Variants in CD99L2 observed in about 807,000 individuals in gnomAD.
CD99L2 encodes the protein CD99 antigen-like protein 2.
Under a neutral mutation model 27.3 loss-of-function variants are expected in CD99L2, and 24 were observed. The ratio of observed to expected loss-of-function variants is 0.88; its 90% CI spans 0.64 to 1.24. CD99L2 has a LOEUF of 1.24. Ranked by LOEUF, CD99L2 falls within the 50% of genes most tolerant of loss-of-function variation. The pLI is 0.00. For missense variants in CD99L2, 255 were observed against 221.6 expected (o/e 1.15, Z -0.96); for synonymous variants, 97 against 87.9 (o/e 1.10, Z -0.58).
chrX:150,816,331 G>A (rs2046154930), intron 2 of CD99L2: 2 of 367,594 alleles, frequency 5.4e-6, no homozygotes, highest in South Asian at 8.2e-5. Flanking sequence ...CATGTGACCT[G>A]GTGATTAGTG....
At chrX:150,822,316 A>G (rs1233527209) in intron 2 of CD99L2, among the ~76,000 whole-genome samples, 1 of 112,367 alleles carries the variant, frequency 8.9e-6, no homozygotes, top group African/African-American at 3.2e-5. Context: ...TATCCAGGAT[A>G]AATTCACAGA....
intron 2 of CD99L2, among the ~76,000 whole-genome samples, chrX:150,819,559 T>C (rs148617275): frequency 0.027 from 2,937 of 109,263 alleles, 46 homozygotes; most frequent in African/African-American, 0.061. Flanking sequence ...AAGAGAAAAA[T>C]AAAGAACAAA....
chrX:150,791,315 A>G (rs1192823051), intron 7 of CD99L2, among the ~76,000 whole-genome samples: 4 of 111,771 alleles, frequency 3.6e-5, no homozygotes, highest in Non-Finnish European at 7.5e-5. Context: ...AGCAATGAAT[A>G]CTCAGATCTT....
intron 1 of CD99L2, among the ~76,000 whole-genome samples, chrX:150,881,434 T>A (rs2047323756): frequency 8.9e-6 from 1 of 112,066 alleles, no homozygotes; most frequent in Non-Finnish European, 1.9e-5. Context: ...CCTGTCACAA[T>A]GCTCTGCCCC....
chrX:150,857,108 A>C (rs2124308126), intron 1 of CD99L2, among the ~76,000 whole-genome samples: 1 of 112,110 alleles, frequency 8.9e-6, no homozygotes, highest in South Asian at 3.7e-4. Flanking sequence ...CAAAGCCTTC[A>C]TAATATATGG....
chrX:150,814,879 G>C lies in CD99L2; in HGVS notation c.260C>G (p.Pro87Arg), dbSNP rs781889438. 14 of 1,207,885 alleles carry C rather than the reference G, an allele frequency of 1.2e-5. No individual in the cohort carries two copies. The highest frequency in any genetic ancestry group is 1.6e-5 in the Non-Finnish European group (14 of 893,700). The change falls in exon 4 of 11, where the codon CCG (proline) becomes CGG (arginine). Residue 87 changes from proline (P) to arginine (R), a missense_variant. Transcript: ENST00000370377. Reference sequence around the variant, plus strand: ...AGACTTACCTCTTCCTCCTATACCCGGTTTCCTGCGGCCATCATCTTGATC... The same window carrying C: ...AGACTTACCTCTTCCTCCTATACCCCGTTTCCTGCGGCCATCATCTTGATC... ...LDDQDDGRRK[P>R]GIGGRERWNH...
chrX:150,889,475 A>AAC (rs1160497239), intron 1 of CD99L2, among the ~76,000 whole-genome samples: 2 of 112,367 alleles, frequency 1.8e-5, no homozygotes, highest in African/African-American at 6.5e-5. Flanking sequence ...AATAAAAAAA[A>AAC]AAAAACAAAA....
intron 1 of CD99L2, among the ~76,000 whole-genome samples, chrX:150,851,427 TGAG>T (rs1557421599): frequency 2.1e-3 from 239 of 112,319 alleles, no homozygotes; most frequent in African/African-American, 7.4e-3. Flanking sequence ...AATGAGGAGC[TGAG>T]GCTCAGATAG....
intron 4 of CD99L2, among the ~76,000 whole-genome samples, chrX:150,808,209 CT>C (rs1319524881): frequency 4.4e-5 from 5 of 112,819 alleles, no homozygotes; most frequent in African/African-American, 1.6e-4. Flanking sequence ...GAAAACATCA[CT>C]GACCTGAATG....
intron 1 of CD99L2, among the ~76,000 whole-genome samples, chrX:150,860,951 C>T (rs1429972497): frequency 9.2e-6 from 1 of 109,128 alleles, no homozygotes; most frequent in Non-Finnish European, 1.9e-5. Flanking sequence ...ACCATCCTGG[C>T]CAACACGGTG....
chrX:150,823,107 G>A (rs2046265261), intron 2 of CD99L2, among the ~76,000 whole-genome samples: 1 of 111,865 alleles, frequency 8.9e-6, no homozygotes, highest in Non-Finnish European at 1.9e-5. Flanking sequence ...AGTTTCCTGA[G>A]GCCTCCACAG....
At position 150,895,161 on chromosome X, in the gene CD99L2, A is replaced by G. The variant is rs142311975; in HGVS notation, c.67+3361T>C. Among the ~76,000 whole-genome samples the G allele has an allele frequency of 3.0e-3, 331 of 111,404 alleles. 2 individuals are homozygous for G. The highest frequency in any genetic ancestry group is 0.01 in the African/African-American group (308 of 30,598). On this transcript the variant is annotated intron_variant, in intron 1 of 10. Transcript: ENST00000370377. ...GTCACAGTGCCAACAGGTCGGGGTA[A>G]TGTGGCGAGGCAGAGGGCCTGGCAT...
chrX:150,797,827 T>C (rs2045821067), intron 4 of CD99L2, among the ~76,000 whole-genome samples: 1 of 109,615 alleles, frequency 9.1e-6, no homozygotes, highest in African/African-American at 3.3e-5. Flanking sequence ...GGTGGACTGC[T>C]TGAGCCCAGG....
In CD99L2 at chrX:150,768,843, A is replaced by G. The variant is rs1022467033; in HGVS notation, c.*191T>C. On this transcript the variant is annotated 3_prime_UTR_variant, in exon 11 of 11. Transcript: ENST00000370377. Reference sequence around the variant, plus strand: ...AGCTGGCTCTTGAATTTCGGCACCAAGTCTCAGCACGCTTGGGGCAGGGCA... The same window carrying G: ...AGCTGGCTCTTGAATTTCGGCACCAGGTCTCAGCACGCTTGGGGCAGGGCA... 3.2e-6 allele frequency: 3 copies of G among 948,221 alleles called. No homozygotes were observed. The highest frequency in any genetic ancestry group is 4.1e-5 in the African/African-American group (2 of 48,524). 78.1% of individuals were successfully genotyped at this position (948,221 alleles called of 1,213,427 possible). A position where few individuals can be genotyped will look rare whatever the true frequency, so the allele number is the denominator to read the frequency against.
intron 4 of CD99L2, among the ~76,000 whole-genome samples, chrX:150,802,585 T>C (rs1263446189): frequency 1.2e-5 from 1 of 83,821 alleles, no homozygotes; most frequent in Non-Finnish European, 2.2e-5. Flanking sequence ...AAAAGACAAT[T>C]TTTTTTTTTT....
At position 150,767,948 on chromosome X, in the gene CD99L2, T is replaced by A. The variant is rs781910399; in HGVS notation, c.*1086A>T. 1.3e-3 allele frequency: 147 copies of A among 111,311 alleles called. No individual in the cohort carries two copies. Among genetic ancestry groups the A allele is most frequent in the African/African-American group, 4.5e-3 (139 of 30,616 alleles). 9.2% of individuals were successfully genotyped at this position (111,311 alleles called of 1,213,427 possible). A position where few individuals can be genotyped will look rare whatever the true frequency, so the allele number is the denominator to read the frequency against. ...AGCTCCACGCCAGGTGAGGGGCGAG[T>A]CATGGGGTTCCTGTGTTTGCCACGG... On this transcript the variant is annotated 3_prime_UTR_variant, in exon 11 of 11. Transcript: ENST00000370377.
At chrX:150,890,460 CAA>C (rs1171183058) in intron 1 of CD99L2, among the ~76,000 whole-genome samples, 1 of 111,819 alleles carries the variant, frequency 8.9e-6, no homozygotes, top group East Asian at 2.8e-4. Context: ...GCCTGGGTGA[CAA>C]GAGCAAAACT....
At chrX:150,882,450 C>T (rs782191045) in intron 1 of CD99L2, among the ~76,000 whole-genome samples, 20 of 112,216 alleles carry the variant, frequency 1.8e-4, no homozygotes, top group Non-Finnish European at 3.6e-4. Context: ...TCAGGCTGGA[C>T]GCAGTGGCTC....
intron 1 of CD99L2, among the ~76,000 whole-genome samples, chrX:150,876,624 AC>A (rs1166943008): frequency 1.2e-4 from 14 of 112,511 alleles, no homozygotes; most frequent in African/African-American, 4.5e-4. Flanking sequence ...ATAACAGTGA[AC>A]AAAACAGATT....
Sources: gnomAD v4.1 joint callset for allele counts (sites outside exome capture counted in the v4.1 genomes callset) on GRCh38, gnomAD v4.1.1 for gene constraint, MANE v1.5 for transcripts, NCBI Gene and HGNC (gene_info 2026-07-23, HGNC 2026-07-21) for gene names.